The following RUSC2 variants were observed in gnomAD, a reference collection of about 807,000 sequenced individuals.
The protein encoded by RUSC2 is RUN and SH3 domain containing 2, also known as AP-4 complex accessory subunit RUSC2.
A neutral mutation model predicts 122.2 loss-of-function variants in RUSC2; 34 were observed. The ratio of observed to expected loss-of-function variants is 0.28; its 90% CI spans 0.21 to 0.37. RUSC2 has a LOEUF of 0.37. Ranked by LOEUF, RUSC2 falls within the 10% of genes least tolerant of loss-of-function variation. The pLI is 1.00. For missense variants in RUSC2, 1,747 were observed against 1,952.4 expected (o/e 0.89, Z 1.98); for synonymous variants, 784 against 790.0 (o/e 0.99, Z 0.13).
chr9:35,494,688 T>A (rs1050285443), intron 1 of RUSC2, among the ~76,000 whole-genome samples: 4 of 151,796 alleles, frequency 2.6e-5, no homozygotes, highest in African/African-American at 4.8e-5. Flanking sequence ...TTTTGGACAT[T>A]AATCCATCTC....
Position 35,547,776 on chromosome 9 carries a change from A to G in RUSC2, c.1255A>G (p.Ser419Gly), listed in dbSNP as rs1485674956. ...SPSPAGSSIT[S>G]CSEEHTKISP... ...AAGCCCTGCTGGCTCTTCCATCACT[A>G]GCTGCTCTGAGGAACACACCAAGAT... The change falls in exon 2 of 12, where the codon AGC becomes GGC. Residue 419 changes from serine (S) to glycine (G), a missense_variant. By Grantham distance (56) the Ser-to-Gly change is moderately conservative (BLOSUM62 0). Coordinates refer to ENST00000361226, the MANE Select transcript of RUSC2 (RefSeq NM_014806.5). The surrounding 1 kb of genome is among the most constrained non-coding windows in gnomAD (Gnocchi z 4.6). 2 of 1,614,084 alleles carry G rather than the reference A, an allele frequency of 1.2e-6. No individual in the cohort carries two copies. The highest frequency in any genetic ancestry group is 2.2e-5 in the South Asian group (2 of 91,086).
rs1247997025 is a variant in RUSC2 at position 35,561,185 on chromosome 9, G to T, written c.4354G>T (p.Val1452Leu). The stretch of plus-strand genomic sequence containing the variant: ...CTCCATGTGCTGTTTCCCCAGTGAG[G>T]TGCAGGCACTGTGCCACCACCTGGC... ...PALPSSPPCEVQALCHHLATG... is the reference protein window; with the variant it reads ...PALPSSPPCELQALCHHLATG... The change falls in exon 12 of 12, where the codon GTG becomes TTG. Residue 1452 changes from valine (V) to leucine (L), a missense_variant. Val to Leu is a conservative substitution (Grantham distance 32). Transcript: ENST00000361226. The T allele has an allele frequency of 6.2e-7, 1 of 1,614,042 alleles. No homozygotes were observed. Among genetic ancestry groups the T allele is most frequent in the African/African-American group, 1.3e-5 (1 of 75,060 alleles).
intron 1 of RUSC2, among the ~76,000 whole-genome samples, chr9:35,508,572 C>G (rs1450527615): frequency 6.6e-6 from 1 of 152,186 alleles, no homozygotes; most frequent in Non-Finnish European, 1.5e-5. Context: ...TGTCGTCATC[C>G]ATATGCAGAG....
chr9:35,529,979 C>A (rs865938339), intron 1 of RUSC2, among the ~76,000 whole-genome samples: 3 of 151,954 alleles, frequency 2.0e-5, no homozygotes, highest in Admixed American at 6.6e-5. Flanking sequence ...TGAGACTGGG[C>A]CTTGTTCTGT....
At chr9:35,537,510 C>T (rs1564258308) in intron 1 of RUSC2, among the ~76,000 whole-genome samples, 1 of 152,186 alleles carries the variant, frequency 6.6e-6, no homozygotes, top group African/African-American at 2.4e-5. Context: ...ATCAAGGGGC[C>T]ATGGCTGCTC....
intron 1 of RUSC2, among the ~76,000 whole-genome samples, chr9:35,532,404 C>T (rs940828578): frequency 6.6e-6 from 1 of 152,016 alleles, no homozygotes. Flanking sequence ...TATTAAACAA[C>T]GAAGAAAGAA....
chr9:35,510,415 T>G (rs1041172127), intron 1 of RUSC2, among the ~76,000 whole-genome samples: 2 of 152,228 alleles, frequency 1.3e-5, no homozygotes, highest in Non-Finnish European at 2.9e-5. Context: ...GGACCCTGAT[T>G]AATAAATATG....
intron 2 of RUSC2, chr9:35,549,259 C>T (rs1821836130): frequency 1.0e-6 from 1 of 961,590 alleles, no homozygotes; most frequent in African/African-American, 1.8e-5. Flanking sequence ...ATATGTCTAA[C>T]AACAACAACA....
In RUSC2 at chr9:35,561,260, C is replaced by G; in HGVS notation, c.4429C>G (p.Leu1477Val). 1.2e-6 allele frequency: 2 copies of G among 1,614,214 alleles called. No individual in the cohort carries two copies. The highest frequency in any genetic ancestry group is 2.2e-5 in the South Asian group (2 of 91,092). The change falls in exon 12 of 12, where the codon CTG (leucine) becomes GTG (valine). Residue 1477 changes from leucine to valine, a missense_variant. Physicochemically the swap from Leu to Val is conservative, Grantham distance 32. Coordinates refer to ENST00000361226, the MANE Select transcript of RUSC2 (RefSeq NM_014806.5). ...SFHKGDILRV[L>V]GRAGGDWLRC... ...CCACAAAGGAGACATCCTACGAGTG[C>G]TGGGGCGAGCTGGAGGAGACTGGCT...
rs1288632224 is a variant in RUSC2 at position 35,557,427 on chromosome 9, G to C, written c.2984-487G>C. Among the ~76,000 whole-genome samples the C allele has an allele frequency of 2.6e-5, 4 of 152,132 alleles. No homozygotes were observed. Among genetic ancestry groups the C allele is most frequent in the Non-Finnish European group, 5.9e-5 (4 of 68,000 alleles). On this transcript the variant is annotated intron_variant, in intron 5 of 11. Coordinates refer to ENST00000361226, the MANE Select transcript of RUSC2 (RefSeq NM_014806.5). The surrounding 1 kb of genome is among the most constrained non-coding windows in gnomAD (Gnocchi z 4.6). ...GGAAGTTAAAGGAGTTTATAACTAG[G>C]GAACTCTGTTCTCTGAAGCAGAACC...
In RUSC2 at chr9:35,548,371, G is replaced by A; in HGVS notation, c.1850G>A (p.Trp617Ter). The A allele has an allele frequency of 6.2e-7, 1 of 1,614,054 alleles. No homozygotes were observed. Among genetic ancestry groups the A allele is most frequent in the South Asian group, 1.1e-5 (1 of 91,086 alleles). The change falls in exon 2 of 12, where the codon TGG (tryptophan) becomes TAG (stop). Residue 617 changes from tryptophan to a stop codon, truncating the protein, a stop_gained. Transcript: ENST00000361226. LOFTEE classifies it high-confidence loss of function. The surrounding 1 kb of genome is among the most constrained non-coding windows in gnomAD (Gnocchi z 4.5). ...DLLGPDPSPPWSTQVCQGPHS... is the reference protein window; with the variant it reads ...DLLGPDPSPP ...CTTGGCCCAGACCCAAGTCCACCCT[G>A]GTCCACCCAGGTCTGTCAGGGACCC...
intron 1 of RUSC2, among the ~76,000 whole-genome samples, chr9:35,539,579 G>A (rs35074107): frequency 2.2e-5 from 1 of 45,486 alleles, no homozygotes; most frequent in African/African-American, 6.0e-5. Context: ...ATACATGCAT[G>A]CATGCATGCA....
intron 2 of RUSC2, among the ~76,000 whole-genome samples, chr9:35,551,567 G>A (rs1344533372): frequency 6.6e-6 from 1 of 152,142 alleles, no homozygotes; most frequent in Non-Finnish European, 1.5e-5. Context: ...CATTCTGAGG[G>A]CAAGAAATAT....
In RUSC2 at chr9:35,548,685, C is replaced by A; in HGVS notation, c.2014+150C>A. ...GTTATCCTTCTAGGCCAGGGCAGGA[C>A]CCACAGCTACAGTGGAATAGGCTCA... On this transcript the variant is annotated intron_variant, in intron 2 of 11. Transcript: ENST00000361226. This position sits in a 1 kb window ranked among gnomAD's most constrained non-coding sequence, Gnocchi z 4.5. 1 of 1,420,600 alleles carries A rather than the reference C, an allele frequency of 7.0e-7. No individual in the cohort carries two copies. The allele number at this position is 1,420,600 out of a possible 1,614,324, so 88.0% of individuals were successfully genotyped here.
rs762431818 is a variant in RUSC2 at position 35,557,895 on chromosome 9, A to C, written c.2984-19A>C. ...AAGGACTTGCTCAGGGACCTGTCAC[A>C]TCACATTCTTCCCTGCAGGGCTGGT... On this transcript the variant is annotated intron_variant, in intron 5 of 11. Coordinates refer to ENST00000361226, the MANE Select transcript of RUSC2 (RefSeq NM_014806.5). This position sits in a 1 kb window ranked among gnomAD's most constrained non-coding sequence, Gnocchi z 4.6. 1 of 1,612,888 alleles carries C rather than the reference A, an allele frequency of 6.2e-7. No individual in the cohort carries two copies. Among genetic ancestry groups the C allele is most frequent in the Non-Finnish European group, 8.5e-7 (1 of 1,178,818 alleles).
intron 1 of RUSC2, among the ~76,000 whole-genome samples, chr9:35,496,066 C>T (rs995074867): frequency 5.9e-5 from 9 of 152,046 alleles, no homozygotes; most frequent in Non-Finnish European, 1.2e-4. Flanking sequence ...GAGTGATGAG[C>T]GAGCTAGTAA....
chr9:35,557,999 G>A lies in RUSC2; in HGVS notation c.3060+9G>A. On this transcript the variant is annotated intron_variant, in intron 6 of 11. Transcript: ENST00000361226. The surrounding 1 kb of genome is among the most constrained non-coding windows in gnomAD (Gnocchi z 4.6). ...GGGATCCCGGGGTGAAGGTAGGCAA[G>A]GAAATGTGGAGAGCTGAGCTCTGCC... The A allele has an allele frequency of 1.9e-6, 3 of 1,613,734 alleles. No homozygotes were observed. Among genetic ancestry groups the A allele is most frequent in the Middle Eastern group, 1.7e-4 (1 of 6,046 alleles).
At chr9:35,499,270 G>C (rs1820777278) in intron 1 of RUSC2, among the ~76,000 whole-genome samples, 1 of 152,180 alleles carries the variant, frequency 6.6e-6, no homozygotes. Context: ...CTGGGCGACA[G>C]AGTGAAACTC....
intron 1 of RUSC2, among the ~76,000 whole-genome samples, chr9:35,492,352 C>T (rs1820583961): frequency 6.6e-6 from 1 of 152,016 alleles, no homozygotes; most frequent in Admixed American, 6.6e-5. Context: ...TACTCATACA[C>T]AATGACTATG....
Sources: allele counts gnomAD v4.1 joint callset (sites outside exome capture counted in the v4.1 genomes callset), GRCh38; gene constraint gnomAD v4.1.1; non-coding constraint Gnocchi (gnomAD v3.1); transcripts MANE v1.5; gene names NCBI Gene and HGNC (gene_info 2026-07-23, HGNC 2026-07-21).